The following EBF2 variants were observed in gnomAD, a reference collection of about 807,000 sequenced individuals.
EBF2 encodes EBF transcription factor 2.
EBF2 carries 21 observed loss-of-function variants against 72.8 expected under a neutral mutation model. The observed-to-expected ratio is 0.29, with a 90% confidence interval of 0.20 to 0.42. The LOEUF (loss-of-function observed/expected upper bound fraction) is 0.42. Ranked by LOEUF, EBF2 falls within the 10% of genes least tolerant of loss-of-function variation. EBF2 has a pLI of 1.00. For missense variants in EBF2, 637 were observed against 731.2 expected (o/e 0.87, Z 1.49); for synonymous variants, 299 against 274.2 (o/e 1.09, Z -0.89).
At position 25,936,107 on chromosome 8, in the gene EBF2, G is replaced by A. The variant is rs1289207574; in HGVS notation, c.552-27552C>T. On this transcript the variant is annotated intron_variant, in intron 6 of 15. Transcript: ENST00000520164. ...GCAGCAGAGGAGTAGAGAAGAGTAT[G>A]CTATGAAATCATGTGGAAGCAAAAC... is the stretch of plus-strand genomic sequence containing the variant. Among the ~76,000 whole-genome samples, 3 of 152,140 alleles carry A rather than the reference G, an allele frequency of 2.0e-5. No individual in the cohort carries two copies. In the East Asian group the frequency reaches 5.8e-4, roughly 29 times the overall value.
At chr8:25,850,457 A>T in intron 15 of EBF2, 137 bp downstream of exon 15, 1 of 1,110,478 alleles carries the variant, frequency 9.0e-7, no homozygotes, top group Non-Finnish European at 1.2e-6. Flanking sequence ...TGTAGAAGCC[A>T]TTCATGTCCC....
chr8:25,986,615 T>C (rs928823286), intron 6 of EBF2, among the ~76,000 whole-genome samples: 9 of 152,206 alleles, frequency 5.9e-5, no homozygotes, highest in African/African-American at 1.9e-4. Context: ...CTTTATTTTG[T>C]AAATCTTTTT....
At chr8:26,034,006 A>T (rs1181900962) in intron 5 of EBF2, among the ~76,000 whole-genome samples, 1 of 152,204 alleles carries the variant, frequency 6.6e-6, no homozygotes, top group Non-Finnish European at 1.5e-5. Context: ...TCACTTCCAG[A>T]TTGATATTCA....
intron 6 of EBF2, among the ~76,000 whole-genome samples, chr8:26,005,345 A>T (rs1302269589): frequency 4.5e-3 from 1 of 220 alleles, no homozygotes; most frequent in East Asian, 0.023. Flanking sequence ...ATTATATATA[A>T]TATATATTAT....
intron 6 of EBF2, among the ~76,000 whole-genome samples, chr8:25,972,936 A>C (rs1453111673): frequency 6.8e-6 from 1 of 148,124 alleles, no homozygotes; most frequent in Non-Finnish European, 1.5e-5. Context: ...TTACATTTCA[A>C]AATAAGTCCC....
chr8:25,858,875 G>A (rs1802153472), intron 13 of EBF2, among the ~76,000 whole-genome samples: 1 of 151,936 alleles, frequency 6.6e-6, no homozygotes, highest in African/African-American at 2.4e-5. Context: ...TGGCCAAGCT[G>A]CTCTTGAACT....
chr8:25,961,422 G>A (rs1194382228), intron 6 of EBF2, among the ~76,000 whole-genome samples: 1 of 152,114 alleles, frequency 6.6e-6, no homozygotes, highest in Non-Finnish European at 1.5e-5. Flanking sequence ...GGAGTGCAGT[G>A]GCGCGATCTT....
At chr8:25,873,387 T>C (rs962868395) in intron 10 of EBF2, among the ~76,000 whole-genome samples, 2 of 152,004 alleles carry the variant, frequency 1.3e-5, no homozygotes, top group Non-Finnish European at 2.9e-5. Context: ...CTCTGAGGAG[T>C]AGAGGGTGGA....
chr8:26,025,315 G>C (rs972165038), intron 6 of EBF2, among the ~76,000 whole-genome samples: 2 of 152,054 alleles, frequency 1.3e-5, no homozygotes, highest in East Asian at 3.9e-4. Flanking sequence ...GCTTATTTAC[G>C]CTGTATGCTC....
intron 10 of EBF2, 83 bp downstream of exon 10, chr8:25,886,672 G>T (rs1313281573): frequency 1.4e-6 from 2 of 1,447,154 alleles, no homozygotes; most frequent in East Asian, 4.7e-5. Flanking sequence ...GAAAAATCAG[G>T]ACGATTACAA....
chr8:25,854,719 T>C (rs891718002), intron 14 of EBF2, among the ~76,000 whole-genome samples: 1 of 152,188 alleles, frequency 6.6e-6, no homozygotes, highest in Non-Finnish European at 1.5e-5. Flanking sequence ...GTTATTCTTA[T>C]GGTGGGAGTA....
intron 7 of EBF2, among the ~76,000 whole-genome samples, chr8:25,890,621 T>C (rs73677236): frequency 0.071 from 10,858 of 152,204 alleles, 1,267 homozygotes; most frequent in African/African-American, 0.24. Flanking sequence ...TAACAATGTG[T>C]ATCTCACAGT....
intron 6 of EBF2, among the ~76,000 whole-genome samples, chr8:25,927,543 A>C (rs766148251): frequency 1.3e-5 from 2 of 152,068 alleles, no homozygotes; most frequent in Admixed American, 1.3e-4. Context: ...TTGAAAACAC[A>C]AAAGAACGTA....
intron 14 of EBF2, among the ~76,000 whole-genome samples, chr8:25,855,606 T>C (rs1485567848): frequency 6.6e-6 from 1 of 152,176 alleles, no homozygotes; most frequent in African/African-American, 2.4e-5. Context: ...AGAATTGTGT[T>C]TTCAGACACA....
chr8:25,922,087 G>C (rs758565391), intron 6 of EBF2, among the ~76,000 whole-genome samples: 1 of 152,088 alleles, frequency 6.6e-6, no homozygotes, highest in African/African-American at 2.4e-5. Flanking sequence ...TCAAAGAAAG[G>C]CTCAATGTAA....
At chr8:25,976,603 CT>C (rs1352550687) in intron 6 of EBF2, among the ~76,000 whole-genome samples, 1 of 151,764 alleles carries the variant, frequency 6.6e-6, no homozygotes, top group Non-Finnish European at 1.5e-5. Context: ...ATGCTCATGC[CT>C]TTTGTATTCT....
At chr8:25,954,169 G>A (rs1803905973) in intron 6 of EBF2, among the ~76,000 whole-genome samples, 1 of 152,238 alleles carries the variant, frequency 6.6e-6, no homozygotes, top group Admixed American at 6.5e-5. Flanking sequence ...TTAAGGGTAT[G>A]TGTGGGAGAG....
intron 6 of EBF2, among the ~76,000 whole-genome samples, chr8:25,943,290 G>C (rs995696642): frequency 3.7e-5 from 3 of 80,582 alleles, no homozygotes; most frequent in Admixed American, 1.8e-4. Context: ...AACATAGCAA[G>C]ACATAACCCC....
At position 25,969,179 on chromosome 8, in the gene EBF2, A is replaced by G. The variant is rs936931801; in HGVS notation, c.552-60624T>C. 8.5e-5 allele frequency among the ~76,000 whole-genome samples: 13 copies of G among 152,238 alleles called. No individual in the cohort carries two copies. The South Asian group carries it at 2.1e-3, about 24-fold the overall frequency. ...TGAAACCCCGAAGGAGGAATTGTCT[A>G]AGAAGATTTAGGTTCAGTTCTGTGT... On this transcript the variant is annotated intron_variant, in intron 6 of 15. Transcript: ENST00000520164.
Sources: allele counts gnomAD v4.1 joint callset (sites outside exome capture counted in the v4.1 genomes callset), GRCh38; gene constraint gnomAD v4.1.1; transcripts MANE v1.5; gene names NCBI Gene and HGNC (gene_info 2026-07-23, HGNC 2026-07-21).